The following DLC1 variants were observed in gnomAD, a reference collection of about 807,000 sequenced individuals.
The protein encoded by DLC1 is DLC1 Rho GTPase activating protein.
DLC1 carries 54 observed loss-of-function variants against 140.3 expected under a neutral mutation model. The observed-to-expected ratio is 0.38, with a 90% CI of 0.31 to 0.48. The LOEUF (loss-of-function observed/expected upper bound fraction) is 0.48. Ranked by LOEUF, DLC1 falls within the 20% of genes least tolerant of loss-of-function variation. The pLI is 0.96. For missense variants in DLC1, 2,536 were observed against 1,907.0 expected, an observed-to-expected ratio of 1.33 and a Z score of -6.14; for synonymous variants, 986 against 728.1, an observed-to-expected ratio of 1.35 and a Z score of -5.70.
chr8:13,338,125 G>A (rs1449073714), intron 4 of DLC1, among the ~76,000 whole-genome samples: 1 of 152,160 alleles, frequency 6.6e-6, no homozygotes, highest in Non-Finnish European at 1.5e-5. Flanking sequence ...TGGACTGGCT[G>A]CAATTTTGTC....
chr8:13,565,650 C>G (rs941856180), intron 1 of DLC1, among the ~76,000 whole-genome samples: 3 of 152,090 alleles, frequency 2.0e-5, no homozygotes, highest in African/African-American at 7.2e-5. Context: ...GGGAATATAT[C>G]TGGCTAGACC....
intron 4 of DLC1, among the ~76,000 whole-genome samples, chr8:13,351,462 A>T (rs542544225): frequency 6.6e-6 from 1 of 152,186 alleles, no homozygotes; most frequent in Non-Finnish European, 1.5e-5. Flanking sequence ...CAAATCTGCC[A>T]TTTCCCCAGT....
At chr8:13,200,724 C>T (rs1481236832) in intron 5 of DLC1, among the ~76,000 whole-genome samples, 1 of 152,102 alleles carries the variant, frequency 6.6e-6, no homozygotes, top group Admixed American at 6.6e-5. Flanking sequence ...CCTACCTCAG[C>T]CTCCTGAGTA....
intron 4 of DLC1, among the ~76,000 whole-genome samples, chr8:13,392,084 C>T (rs955168093): frequency 5.8e-5 from 7 of 121,560 alleles, no homozygotes; most frequent in African/African-American, 1.6e-4. Flanking sequence ...AGCACCATTC[C>T]ATTTCAGTGT....
At chr8:13,393,093 C>G (rs893182494) in intron 4 of DLC1, among the ~76,000 whole-genome samples, 2 of 152,022 alleles carry the variant, frequency 1.3e-5, no homozygotes, top group African/African-American at 4.8e-5. Context: ...CTACATCTAT[C>G]TCTATCATCT....
intron 5 of DLC1, among the ~76,000 whole-genome samples, chr8:13,294,621 C>G (rs1055010621): frequency 2.0e-5 from 3 of 152,212 alleles, no homozygotes; most frequent in African/African-American, 7.2e-5. Context: ...GTTACCATGA[C>G]TACAGAGGAA....
intron 5 of DLC1, among the ~76,000 whole-genome samples, chr8:13,257,994 C>A (rs1431262407): frequency 6.6e-6 from 1 of 152,106 alleles, no homozygotes; most frequent in African/African-American, 2.4e-5. Context: ...ATGTAAGTAC[C>A]AACAGCGGAC....
chr8:13,106,682 T>C (rs2044121), intron 7 of DLC1, among the ~76,000 whole-genome samples: 46,291 of 152,136 alleles, frequency 0.3, 7,932 homozygotes, highest in East Asian at 0.56. Context: ...AAAGTTAAAA[T>C]CTGCTCTAAG....
At chr8:13,480,425 G>A (rs533573169) in intron 2 of DLC1, among the ~76,000 whole-genome samples, 74 of 152,240 alleles carry the variant, frequency 4.9e-4, no homozygotes, top group African/African-American at 1.7e-3. Flanking sequence ...AGAACTTGAT[G>A]CCTGCCTGGT....
intron 2 of DLC1, among the ~76,000 whole-genome samples, chr8:13,476,635 C>T (rs1021902820): frequency 6.6e-6 from 1 of 152,074 alleles, no homozygotes; most frequent in Non-Finnish European, 1.5e-5. Flanking sequence ...GAACATGTGC[C>T]ATAAGATGTT....
intron 13 of DLC1, 58 bp downstream of exon 13, chr8:13,092,554 G>GA: frequency 6.4e-7 from 1 of 1,566,724 alleles, no homozygotes; most frequent in Non-Finnish European, 8.7e-7. Context: ...GCTACGGAGA[G>GA]TCCTAGGAAG....
At chr8:13,185,515 G>A (rs1184132192) in intron 5 of DLC1, among the ~76,000 whole-genome samples, 1 of 151,972 alleles carries the variant, frequency 6.6e-6, no homozygotes, top group Non-Finnish European at 1.5e-5. Flanking sequence ...CACTGTGTTA[G>A]CCAGGATGAT....
intron 4 of DLC1, among the ~76,000 whole-genome samples, chr8:13,389,705 C>T (rs990159860): frequency 3.3e-5 from 5 of 152,066 alleles, no homozygotes; most frequent in African/African-American, 4.8e-5. Flanking sequence ...AATAATCTTA[C>T]TGAAAAATAG....
At chr8:13,439,136 C>A (rs1478277708) in intron 2 of DLC1, among the ~76,000 whole-genome samples, 1 of 152,092 alleles carries the variant, frequency 6.6e-6, no homozygotes, top group Admixed American at 6.5e-5. Context: ...ACCATCCTGG[C>A]AAACATGGTG....
At chr8:13,516,601 A>G (rs933047194), upstream of DLC1, among the ~76,000 whole-genome samples, 1 of 152,202 alleles carries the variant, frequency 6.6e-6, no homozygotes. Flanking sequence ...GAAGTAGTCA[A>G]ATAAAAACGT....
chr8:13,191,928 T>G (rs1185066716), intron 5 of DLC1, among the ~76,000 whole-genome samples: 2 of 127,102 alleles, frequency 1.6e-5, no homozygotes, highest in Non-Finnish European at 3.3e-5. Flanking sequence ...AGTGGCCTGA[T>G]TATTATTATT....
intron 5 of DLC1, among the ~76,000 whole-genome samples, chr8:13,223,082 G>A (rs532604686): frequency 3.3e-5 from 5 of 152,126 alleles, no homozygotes; most frequent in East Asian, 1.9e-4. Context: ...TAGTTCTATC[G>A]GTTATTAGTT....
intron 1 of DLC1, among the ~76,000 whole-genome samples, chr8:13,595,484 CAT>C (rs148803162): frequency 0.013 from 1,943 of 152,120 alleles, 49 homozygotes; most frequent in African/African-American, 0.045. Flanking sequence ...ATGTGCCCCA[CAT>C]GTGTTGCTTT....
intron 5 of DLC1, among the ~76,000 whole-genome samples, chr8:13,122,098 T>A (rs1821132176): frequency 6.6e-6 from 1 of 152,068 alleles, no homozygotes; most frequent in African/African-American, 2.4e-5. Context: ...CCCCAACAAA[T>A]CCGTCCTCCT....
Sources: allele counts gnomAD v4.1 joint callset (sites outside exome capture counted in the v4.1 genomes callset), GRCh38; gene constraint gnomAD v4.1.1; transcripts MANE v1.5; gene names NCBI Gene and HGNC (gene_info 2026-07-23, HGNC 2026-07-21).